TRAPPC10: variants seen among roughly 807,000 people sequenced by gnomAD.
TRAPPC10 encodes trafficking protein particle complex subunit 10.
A neutral mutation model predicts 125.5 loss-of-function variants in TRAPPC10; 23 were observed. The ratio of observed to expected loss-of-function variants is 0.18; its 90% confidence interval spans 0.13 to 0.26. TRAPPC10 has a LOEUF of 0.26. Ranked by LOEUF, TRAPPC10 falls within the 10% of genes least tolerant of loss-of-function variation. TRAPPC10 has a pLI of 1.00. For missense variants in TRAPPC10, 1,123 were observed against 1,308.4 expected (o/e 0.86, Z 2.19); for synonymous variants, 509 against 518.0 (o/e 0.98, Z 0.24).
chr21:44,092,745 A>G (rs1372475746), intron 19 of TRAPPC10, among the ~76,000 whole-genome samples: 1 of 146,678 alleles, frequency 6.8e-6, no homozygotes, highest in South Asian at 2.2e-4. Flanking sequence ...TAATTTAAAT[A>G]TAAAATAATT....
rs762259841 is a variant in TRAPPC10, at chr21:44,076,626, T to G, written c.1375T>G (p.Leu459Val). The G allele has an allele frequency of 5.0e-6, 8 of 1,607,836 alleles. 1 individual carries two copies. The South Asian group carries it at 8.8e-5, about 18-fold the overall frequency. ...AGTGGAAGCTTTTGAAAAACACTAC[T>G]TAGTAAGTATTAACAAGTGTTCAAT... ...SSVEAFEKHY[L>V]DLSHATIEMY... Residue 459 changes from leucine (L) to valine (V), a missense_variant and splice_region_variant, in exon 10 of 23, where the codon TTA becomes GTA. Around this residue, in one of 4 missense-constraint regions of TRAPPC10, gnomAD observed 840 missense variants for 902.0 expected, o/e 0.93. Transcript: ENST00000291574.
chr21:44,057,921 C>T (rs1451417040), intron 5 of TRAPPC10, among the ~76,000 whole-genome samples: 1 of 152,232 alleles, frequency 6.6e-6, no homozygotes, highest in Non-Finnish European at 1.5e-5. Context: ...TGTGCGTGCA[C>T]ATCCTCCTGG....
rs200168527 is a variant in TRAPPC10, at chr21:44,095,229, T to TTTTATTTATTTA, written c.3168+1016_3168+1027dup. Reference sequence around the variant, plus strand: ...CACCTGGCTAATTATTTTTATTTTATTTTATTTATTTATTTATTTATTTAT... The same window carrying TTTTATTTATTTA: ...CACCTGGCTAATTATTTTTATTTTATTTTATTTATTTATTTATTTATTTATTTATTTATTTAT... On this transcript the variant is annotated intron_variant, in intron 20 of 22. Transcript: ENST00000291574. 3.5e-3 allele frequency among the ~76,000 whole-genome samples: 528 copies of TTTTATTTATTTA among 150,002 alleles called. 2 individuals are homozygous for TTTTATTTATTTA. Among genetic ancestry groups the TTTTATTTATTTA allele is most frequent in the African/African-American group, 0.012 (488 of 40,872 alleles).
intron 5 of TRAPPC10, 105 bp downstream of exon 5, chr21:44,055,998 C>A: frequency 9.5e-7 from 1 of 1,056,362 alleles, no homozygotes; most frequent in Non-Finnish European, 1.3e-6. Flanking sequence ...TCGTGGTAAT[C>A]TCATTGGCAG....
chr21:44,039,270 C>T (rs2034238405), intron 3 of TRAPPC10, among the ~76,000 whole-genome samples: 1 of 152,188 alleles, frequency 6.6e-6, no homozygotes, highest in African/African-American at 2.4e-5. Flanking sequence ...TTCTGGGGAG[C>T]GCCTGCAAGG....
chr21:44,043,874 C>T (rs1287355662), intron 3 of TRAPPC10, among the ~76,000 whole-genome samples: 1 of 152,258 alleles, frequency 6.6e-6, no homozygotes, highest in Non-Finnish European at 1.5e-5. Context: ...AGGCCACTCG[C>T]AGGTGTTCAG....
intron 3 of TRAPPC10, 101 bp downstream of exon 3, chr21:44,038,028 G>C (rs563553020): frequency 2.1e-6 from 3 of 1,450,756 alleles, no homozygotes; most frequent in Non-Finnish European, 2.8e-6. Flanking sequence ...GCGTGGTGGG[G>C]TGGAGTTGGA....
intron 1 of TRAPPC10, among the ~76,000 whole-genome samples, chr21:44,030,228 TGAGA>T (rs1226656727): frequency 6.7e-6 from 1 of 149,814 alleles, no homozygotes; most frequent in Non-Finnish European, 1.5e-5. Flanking sequence ...AGATAGAATG[TGAGA>T]GAGAGAGCGA....
intron 5 of TRAPPC10, 92 bp downstream of exon 5, chr21:44,055,985 C>A: frequency 8.7e-7 from 1 of 1,155,484 alleles, no homozygotes; most frequent in Non-Finnish European, 1.2e-6. Flanking sequence ...AGTAAGGCAC[C>A]TCTCGTGGTA....
rs1370380711 is a variant in TRAPPC10 at position 44,064,338 on chromosome 21, TGA to T, written c.1038+555_1038+556del. ...GTGTGTGTGTGTGTGTGTGTGTGTG[TGA>T]GTGTGAGAATGTAGTTAGTAAAACA... is the stretch of plus-strand genomic sequence containing the variant. On this transcript the variant is annotated intron_variant, in intron 7 of 22. Transcript: ENST00000291574. Among the ~76,000 whole-genome samples, 222 of 148,912 alleles carry T rather than the reference TGA, an allele frequency of 1.5e-3. 3 individuals carry two copies. The highest frequency in any genetic ancestry group is 0.01 in the Middle Eastern group (3 of 288).
chr21:44,034,537 G>T (rs2033845574), intron 2 of TRAPPC10, among the ~76,000 whole-genome samples: 9 of 152,118 alleles, frequency 5.9e-5, no homozygotes, highest in Admixed American at 5.9e-4. Flanking sequence ...AGAGAGTAGA[G>T]AACTTATCTC....
intron 19 of TRAPPC10, among the ~76,000 whole-genome samples, 156 bp from the exon 20 acceptor site, chr21:44,093,907 G>A (rs921556090): frequency 6.6e-6 from 1 of 152,228 alleles, no homozygotes; most frequent in African/African-American, 2.4e-5. Context: ...CAGGTGCTGT[G>A]GGGCCTAAAG....
At chr21:44,078,783 A>G (rs2037465544) in intron 11 of TRAPPC10, among the ~76,000 whole-genome samples, 1 of 152,074 alleles carries the variant, frequency 6.6e-6, no homozygotes, top group Non-Finnish European at 1.5e-5. Context: ...GCCCTTATTA[A>G]TTTGCATTTT....
intron 1 of TRAPPC10, among the ~76,000 whole-genome samples, chr21:44,024,013 C>T (rs1434748118): frequency 2.6e-5 from 4 of 152,102 alleles, no homozygotes; most frequent in Non-Finnish European, 5.9e-5. Flanking sequence ...CTCAAATTCC[C>T]GACCTCAGGT....
chr21:44,019,453 C>A (rs999750850), intron 1 of TRAPPC10, among the ~76,000 whole-genome samples: 1 of 152,186 alleles, frequency 6.6e-6, no homozygotes, highest in African/African-American at 2.4e-5. Context: ...GTCTCACCTT[C>A]TTTCTTCCTC....
chr21:44,023,451 A>G (rs1387983058), intron 1 of TRAPPC10, among the ~76,000 whole-genome samples: 2 of 151,994 alleles, frequency 1.3e-5, no homozygotes, highest in East Asian at 1.9e-4. Flanking sequence ...AACATACTTG[A>G]TGTGTTACAG....
chr21:44,079,905 A>G (rs2037561291), intron 12 of TRAPPC10, 110 bp from the exon 13 acceptor site: 1 of 1,137,534 alleles, frequency 8.8e-7, no homozygotes. Context: ...TAAAAAAAAA[A>G]AGCCCTTTGG....
At position 44,086,908 on chromosome 21, in the gene TRAPPC10, G is replaced by A; in HGVS notation, c.2487G>A (p.Met829Ile). Reference protein sequence around the residue: ...DSLQLSNAEAMLILCQAESRA... With the variant: ...DSLQLSNAEAILILCQAESRA... Reference sequence around the variant, plus strand: ...TGCAGCTTAGCAATGCCGAAGCCATGCTCATCCTGTGCCAGGCGGAGAGCA... The same window carrying A: ...TGCAGCTTAGCAATGCCGAAGCCATACTCATCCTGTGCCAGGCGGAGAGCA... The change falls in exon 16 of 23, where the codon ATG (methionine) becomes ATA (isoleucine). Residue 829 changes from methionine (M) to isoleucine (I), a missense_variant. Transcript: ENST00000291574. The A allele has an allele frequency of 6.2e-7, 1 of 1,614,216 alleles. No homozygotes were observed. The highest frequency in any genetic ancestry group is 1.3e-5 in the African/African-American group (1 of 75,064).
At chr21:44,025,578 T>G (rs573159425) in intron 1 of TRAPPC10, among the ~76,000 whole-genome samples, 1 of 152,352 alleles carries the variant, frequency 6.6e-6, no homozygotes, top group East Asian at 1.9e-4. Context: ...TTTCCTTGAT[T>G]AGAAGAGTTC....
Sources: gnomAD v4.1 joint callset for allele counts (sites outside exome capture counted in the v4.1 genomes callset) on GRCh38, gnomAD v4.1.1 for gene constraint, gnomAD v4.1.1 regional missense constraint, MANE v1.5 for transcripts, NCBI Gene and HGNC (gene_info 2026-07-23, HGNC 2026-07-21) for gene names.